The following LEPR variants were observed in gnomAD, a reference collection of about 807,000 sequenced individuals.
LEPR encodes leptin receptor.
LEPR carries 56 observed loss-of-function variants against 114.7 expected under a neutral mutation model. That is an observed-to-expected ratio of 0.49 (90% CI 0.39 to 0.61). LEPR has a LOEUF of 0.61. LEPR is among the 20% of genes least tolerant of loss of function. LEPR has a pLI of 0.00. For synonymous variants in LEPR, 443 were observed against 461.4 expected, an observed-to-expected ratio of 0.96 and a Z score of 0.51; for missense variants, 1,202 against 1,352.9, an observed-to-expected ratio of 0.89 and a Z score of 1.75.
At chr1:65,428,957 T>C (rs1646431805) in intron 2 of LEPR, among the ~76,000 whole-genome samples, 1 of 152,140 alleles carries the variant, frequency 6.6e-6, no homozygotes, top group Admixed American at 6.5e-5. Flanking sequence ...TTTTCACTAG[T>C]GAGCATATTT....
intron 2 of LEPR, among the ~76,000 whole-genome samples, chr1:65,495,209 TC>T (rs1002408491): frequency 8.7e-4 from 132 of 152,026 alleles, no homozygotes; most frequent in African/African-American, 3.1e-3. Context: ...CTGAAACAAC[TC>T]AATAGCAAAA....
At chr1:65,549,477 C>A (rs1179770128) in intron 2 of LEPR, among the ~76,000 whole-genome samples, 1 of 152,190 alleles carries the variant, frequency 6.6e-6, no homozygotes, top group African/African-American at 2.4e-5. Context: ...GGTCTTTTCA[C>A]ATAGTCCCAT....
At chr1:65,610,760 G>A (rs1381749437) in intron 14 of LEPR, among the ~76,000 whole-genome samples, 1 of 152,194 alleles carries the variant, frequency 6.6e-6, no homozygotes, top group African/African-American at 2.4e-5. Flanking sequence ...ATATATGATG[G>A]CTGTTTAGCC....
At chr1:65,480,810 A>G (rs1448857472) in intron 2 of LEPR, among the ~76,000 whole-genome samples, 1 of 152,140 alleles carries the variant, frequency 6.6e-6, no homozygotes, top group Non-Finnish European at 1.5e-5. Flanking sequence ...TTCACTCTTA[A>G]TAAGACAGAA....
intron 2 of LEPR, among the ~76,000 whole-genome samples, chr1:65,472,279 G>A (rs1289885444): frequency 6.6e-6 from 1 of 152,000 alleles, no homozygotes; most frequent in Non-Finnish European, 1.5e-5. Flanking sequence ...ACCAGATGGT[G>A]TAATTCATAA....
chr1:65,600,867 T>C (rs1656398002), intron 8 of LEPR, among the ~76,000 whole-genome samples: 2 of 152,070 alleles, frequency 1.3e-5, no homozygotes, highest in South Asian at 4.1e-4. Flanking sequence ...TTATCATTCA[T>C]ACGACATTCC....
intron 6 of LEPR, among the ~76,000 whole-genome samples, chr1:65,593,413 G>T (rs1466619810): frequency 6.6e-6 from 1 of 152,012 alleles, no homozygotes; most frequent in African/African-American, 2.4e-5. Flanking sequence ...TTTGTGCAAA[G>T]ATCCCCCAAA....
chr1:65,510,923 A>C (rs553236226), intron 2 of LEPR, among the ~76,000 whole-genome samples: 2 of 152,290 alleles, frequency 1.3e-5, no homozygotes, highest in South Asian at 2.1e-4. Flanking sequence ...ACTCTGTGAA[A>C]TTCATCTCTG....
chr1:65,462,700 A>G (rs1646961166), intron 2 of LEPR, among the ~76,000 whole-genome samples: 1 of 152,196 alleles, frequency 6.6e-6, no homozygotes, highest in Non-Finnish European at 1.5e-5. Context: ...TCTAACTGGC[A>G]TGAGATGTTA....
At chr1:65,518,537 A>T (rs1176188301) in intron 2 of LEPR, among the ~76,000 whole-genome samples, 1 of 152,202 alleles carries the variant, frequency 6.6e-6, no homozygotes, top group Admixed American at 6.5e-5. Flanking sequence ...ATTTTTGCTG[A>T]TAACATTTTA....
At chr1:65,451,956 A>G (rs930140924) in intron 2 of LEPR, among the ~76,000 whole-genome samples, 6 of 150,988 alleles carry the variant, frequency 4.0e-5, no homozygotes, top group African/African-American at 1.2e-4. Flanking sequence ...TATTTCCTTG[A>G]GCAGTGGTTT....
At chr1:65,466,932 C>T (rs1647021108) in intron 2 of LEPR, among the ~76,000 whole-genome samples, 1 of 152,014 alleles carries the variant, frequency 6.6e-6, no homozygotes, top group Non-Finnish European at 1.5e-5. Flanking sequence ...TCATTCTTCT[C>T]ACCTTTTTTC....
intron 2 of LEPR, among the ~76,000 whole-genome samples, chr1:65,436,554 A>G (rs1186562686): frequency 1.3e-5 from 2 of 152,218 alleles, no homozygotes; most frequent in African/African-American, 2.4e-5. Context: ...ATACCAACAT[A>G]ACTATAAAAT....
At chr1:65,575,388 G>A (rs1654513111) in intron 5 of LEPR, among the ~76,000 whole-genome samples, 1 of 150,496 alleles carries the variant, frequency 6.6e-6, no homozygotes, top group Non-Finnish European at 1.5e-5. Context: ...ACCTTTCTAC[G>A]CATACCTACC....
At chr1:65,480,932 G>A (rs768165103) in intron 2 of LEPR, among the ~76,000 whole-genome samples, 7 of 152,308 alleles carry the variant, frequency 4.6e-5, no homozygotes, top group Middle Eastern at 6.8e-3. Flanking sequence ...CAATAAATAC[G>A]TATATATTAG....
rs577398257 is a variant in LEPR, at chr1:65,549,069, G to A, written c.-20-16477G>A. Among the ~76,000 whole-genome samples, 8 of 151,572 alleles carry A rather than the reference G, an allele frequency of 5.3e-5. No homozygotes were observed. The East Asian group carries it at 1.2e-3, about 22-fold the overall frequency. On this transcript the variant is annotated intron_variant, in intron 2 of 19. Transcript: ENST00000349533. Reference sequence around the variant, plus strand: ...ATTTTATTTCTCCTTCACTTATGAAGCTTAGTTTGGCTGGATATGAAATTC... The same window carrying A: ...ATTTTATTTCTCCTTCACTTATGAAACTTAGTTTGGCTGGATATGAAATTC...
intron 2 of LEPR, among the ~76,000 whole-genome samples, chr1:65,483,808 T>A (rs895824983): frequency 6.6e-6 from 1 of 152,202 alleles, no homozygotes; most frequent in Non-Finnish European, 1.5e-5. Context: ...GGTCATCTTT[T>A]TAAGATGATT....
intron 2 of LEPR, among the ~76,000 whole-genome samples, chr1:65,488,206 TTCTTTC>T (rs1173437751): frequency 0.013 from 400 of 31,688 alleles, 3 homozygotes; most frequent in Admixed American, 0.044. Flanking sequence ...CTTTCTTTCT[TTCTTTC>T]TCTCTCTCTC....
At chr1:65,523,930 G>C (rs1207045335) in intron 2 of LEPR, among the ~76,000 whole-genome samples, 2 of 152,192 alleles carry the variant, frequency 1.3e-5, no homozygotes, top group East Asian at 1.9e-4. Context: ...ACAACAAAAA[G>C]AAGAGAAGAG....
Sources: allele counts gnomAD v4.1 joint callset (sites outside exome capture counted in the v4.1 genomes callset), GRCh38; gene constraint gnomAD v4.1.1; transcripts MANE v1.5; gene names NCBI Gene and HGNC (gene_info 2026-07-23, HGNC 2026-07-21).